TRIM2: variants seen among roughly 807,000 people sequenced by gnomAD.
TRIM2 encodes the protein tripartite motif containing 2.
In TRIM2, 20 loss-of-function variants were observed where a neutral mutation model predicts 75.2. The observed-to-expected ratio is 0.27, with a 90% CI of 0.19 to 0.39. The LOEUF (loss-of-function observed/expected upper bound fraction) is 0.39. TRIM2 is among the 10% of genes least tolerant of loss of function. The probability of loss-of-function intolerance (pLI) is 1.00; values close to 1 mark genes in which losing one functional copy is unlikely to be tolerated. For missense variants in TRIM2, 660 were observed against 990.8 expected, an observed-to-expected ratio of 0.67 and a Z score of 4.48; for synonymous variants, 373 against 388.3, an observed-to-expected ratio of 0.96 and a Z score of 0.46.
chr4:153,158,475 AC>A (rs1729441906), intron 1 of TRIM2, among the ~76,000 whole-genome samples: 1 of 152,234 alleles, frequency 6.6e-6, no homozygotes. Flanking sequence ...GTAATGGGCA[AC>A]AAAAATGCAG....
chr4:153,207,212 C>T (rs1393495790), intron 1 of TRIM2, among the ~76,000 whole-genome samples: 1 of 152,212 alleles, frequency 6.6e-6, no homozygotes, highest in African/African-American at 2.4e-5. Context: ...CCTCTCTGTG[C>T]CCCAGTTCCC....
rs993486215 is a variant in TRIM2, at chr4:153,204,452, A to G, written c.-79A>G. On this transcript the variant is annotated 5_prime_UTR_variant, in exon 1 of 12. The change abolishes an upstream ATG in the 5' untranslated region. Coordinates refer to ENST00000338700, the MANE Select transcript of TRIM2 (RefSeq NM_015271.5). Reference sequence around the variant, plus strand: ...GGCCACCCTTTAACTCGGCAGCTTGATGACTATAATGGGCCCAGTTGTCTG... The same window carrying G: ...GGCCACCCTTTAACTCGGCAGCTTGGTGACTATAATGGGCCCAGTTGTCTG... 6.6e-7 allele frequency: 1 copy of G among 1,517,164 alleles called. No individual in the cohort carries two copies. The highest frequency in any genetic ancestry group is 9.0e-7 in the Non-Finnish European group (1 of 1,116,160). 94.0% of individuals were successfully genotyped at this position (1,517,164 alleles called of 1,614,324 possible).
intron 10 of TRIM2, among the ~76,000 whole-genome samples, chr4:153,327,724 A>G (rs74661477): frequency 0.024 from 3,717 of 152,290 alleles, 156 homozygotes; most frequent in African/African-American, 0.085. Flanking sequence ...TAATAAGAAT[A>G]TGTAATTAAC....
At position 153,241,450 on chromosome 4, in the gene TRIM2, TAAAC is replaced by T. The variant is rs551446868; in HGVS notation, c.31-28877_31-28874del. 2.5e-3 allele frequency among the ~76,000 whole-genome samples: 377 copies of T among 152,278 alleles called. 3 individuals are homozygous for T. The highest frequency in any genetic ancestry group is 8.9e-3 in the African/African-American group (368 of 41,556). ...GGTTTGTGGGCGAGACACCTCTAAC[TAAAC>T]AAACAAATATTCCTTTACGAACTGT... On this transcript the variant is annotated intron_variant, in intron 1 of 11. Transcript: ENST00000338700.
chr4:153,156,616 A>G (rs1414400927), intron 1 of TRIM2: 2 of 152,144 alleles, frequency 1.3e-5, no homozygotes, highest in Non-Finnish European at 2.9e-5. Context: ...TGGATTGATC[A>G]TATATATAAG....
At position 153,337,475 on chromosome 4, in the gene TRIM2, C is replaced by A; in HGVS notation, c.*2509C>A. ...CCTGCTCCACTATGTGTTGCTAAAACACATGCTATGAGCACTCCAGGAAAC... is the reference window on the plus strand; with the variant it reads ...CCTGCTCCACTATGTGTTGCTAAAAAACATGCTATGAGCACTCCAGGAAAC... On this transcript the variant is annotated 3_prime_UTR_variant, in exon 12 of 12. Coordinates refer to ENST00000338700, the MANE Select transcript of TRIM2 (RefSeq NM_015271.5). 1.0e-6 allele frequency: 1 copy of A among 985,816 alleles called. No individual in the cohort carries two copies. Among genetic ancestry groups the A allele is most frequent in the Non-Finnish European group, 1.2e-6 (1 of 829,926 alleles). The allele number at this position is 985,816 out of a possible 1,614,324, so 61.1% of individuals were successfully genotyped here.
chr4:153,208,744 T>A (rs982952659), intron 1 of TRIM2, among the ~76,000 whole-genome samples: 9 of 152,176 alleles, frequency 5.9e-5, no homozygotes, highest in Non-Finnish European at 1.3e-4. Flanking sequence ...CCCTCCATAG[T>A]GCTTGGCATG....
At chr4:153,316,879 T>TTTTTTTTTTTTG (rs1767730345) in intron 8 of TRIM2, among the ~76,000 whole-genome samples, 1 of 118,142 alleles carries the variant, frequency 8.5e-6, no homozygotes, top group African/African-American at 3.6e-5. Context: ...ATGCCTTTTT[T>TTTTTTTTTTTTG]TTTTTTTTTT....
intron 1 of TRIM2, among the ~76,000 whole-genome samples, chr4:153,241,644 G>C (rs969054377): frequency 2.0e-5 from 3 of 152,188 alleles, no homozygotes; most frequent in Non-Finnish European, 4.4e-5. Flanking sequence ...CAACAGCAGG[G>C]CTAGGAGGAG....
intron 1 of TRIM2, among the ~76,000 whole-genome samples, chr4:153,173,788 A>G (rs1400415382): frequency 2.6e-5 from 4 of 151,666 alleles, no homozygotes; most frequent in East Asian, 1.9e-4. Flanking sequence ...CCAACATGGA[A>G]AAACCCCATC....
upstream of TRIM2, among the ~76,000 whole-genome samples, chr4:153,203,765 T>A (rs532333970): frequency 6.6e-6 from 1 of 151,278 alleles, no homozygotes; most frequent in Admixed American, 6.6e-5. Context: ...GGTGGTGCAT[T>A]CCTGTAATTC....
At chr4:153,328,697 T>G in intron 11 of TRIM2, 27 bp downstream of exon 11, 1 of 1,549,222 alleles carries the variant, frequency 6.5e-7, no homozygotes, top group Non-Finnish European at 8.7e-7. Flanking sequence ...ATGTATATGG[T>G]TAGAGTGTTT....
At chr4:153,242,318 CT>C (rs56401547) in intron 1 of TRIM2, among the ~76,000 whole-genome samples, 24,574 of 147,600 alleles carry the variant, frequency 0.17, 3,220 homozygotes, top group African/African-American at 0.37. Flanking sequence ...TGTCTTGTAT[CT>C]TTTTTTTTTT....
chr4:153,229,406 G>A (rs1026136856), intron 1 of TRIM2, among the ~76,000 whole-genome samples: 8 of 152,276 alleles, frequency 5.3e-5, no homozygotes, highest in African/African-American at 1.7e-4. Context: ...TGGGACTACA[G>A]GTCCCATGCC....
In TRIM2 at chr4:153,187,474, G is replaced by C. The variant is rs138259214; in HGVS notation, c.-49+34204G>C. Among the ~76,000 whole-genome samples, 891 of 152,340 alleles carry C rather than the reference G, an allele frequency of 5.8e-3. 10 individuals are homozygous for C. Among genetic ancestry groups the C allele is most frequent in the African/African-American group, 0.018 (759 of 41,574 alleles). ...CCTTCTCACCAAGTGACAAGGGAGA[G>C]ATCAAGAGGAATACTGAGAGAGCTT... On this transcript the variant is annotated intron_variant, in intron 1 of 11. Transcript: ENST00000437508.
intron 1 of TRIM2, among the ~76,000 whole-genome samples, chr4:153,185,533 C>T (rs1257949133): frequency 1.3e-5 from 2 of 152,124 alleles, no homozygotes; most frequent in African/African-American, 4.8e-5. Flanking sequence ...CTGAGGAATA[C>T]TCCTTTTTTA....
intron 1 of TRIM2, among the ~76,000 whole-genome samples, chr4:153,173,590 G>A (rs1325347779): frequency 6.6e-6 from 1 of 151,778 alleles, no homozygotes; most frequent in Non-Finnish European, 1.5e-5. Context: ...TTGAACCCGG[G>A]AGGCGGAGGT....
Position 153,315,583 on chromosome 4 carries a change from G to A in TRIM2, c.1609G>A (p.Val537Met), listed in dbSNP as rs1324448372. The A allele has an allele frequency of 4.4e-6, 7 of 1,607,740 alleles. No individual in the cohort carries two copies. Among genetic ancestry groups the A allele is most frequent in the Non-Finnish European group, 5.9e-6 (7 of 1,177,886 alleles). ...ILIADSNNQC[V>M]QIFSNDGQFK... ...AATTGCAGACAGTAACAACCAATGTGTGCAGGTATAGCCCCTAATTATATA... is the reference window on the plus strand; with the variant it reads ...AATTGCAGACAGTAACAACCAATGTATGCAGGTATAGCCCCTAATTATATA... The change falls in exon 7 of 12, where the codon GTG becomes ATG. Residue 537 changes from valine (V) to methionine (M), a missense_variant. Physicochemically the swap from Val to Met is conservative, Grantham distance 21. Around this residue, in one of 2 missense-constraint regions of TRIM2, gnomAD observed 620 missense variants for 891.0 expected, o/e 0.70. Transcript: ENST00000338700.
At chr4:153,318,451 G>A (rs1178686878) in intron 8 of TRIM2, among the ~76,000 whole-genome samples, 1 of 151,874 alleles carries the variant, frequency 6.6e-6, no homozygotes, top group Non-Finnish European at 1.5e-5. Flanking sequence ...TGAATTTTTG[G>A]TTTCACTAGA....
Sources: allele counts gnomAD v4.1 joint callset (sites outside exome capture counted in the v4.1 genomes callset), GRCh38; gene constraint gnomAD v4.1.1; regional missense constraint gnomAD v4.1.1; transcripts MANE v1.5; gene names NCBI Gene and HGNC (gene_info 2026-07-23, HGNC 2026-07-21).